MYOM3: variants seen among roughly 807,000 people sequenced by gnomAD.
The protein encoded by MYOM3 is myomesin-3.
Under a neutral mutation model 191.7 loss-of-function variants are expected in MYOM3, and 155 were observed. The ratio of observed to expected loss-of-function variants is 0.81; its 90% confidence interval spans 0.71 to 0.92. MYOM3 has a LOEUF of 0.92. Ranked by LOEUF, MYOM3 falls within the 40% of genes least tolerant of loss-of-function variation. The probability of loss-of-function intolerance (pLI) is 0.00; values close to 1 mark genes in which losing one functional copy is unlikely to be tolerated. For synonymous variants in MYOM3, 757 were observed against 762.9 expected (o/e 0.99, Z 0.13); for missense variants, 1,889 against 1,890.6 (o/e 1.00, Z 0.02).
At position 24,090,973 on chromosome 1, in the gene MYOM3, C is replaced by T. The variant is rs754378595; in HGVS notation, c.1256G>A (p.Trp419Ter). Residue 419 changes from tryptophan to a stop codon, truncating the protein, a stop_gained, in exon 12 of 37, where the codon TGG becomes TAG. Coordinates refer to ENST00000374434, the MANE Select transcript of MYOM3 (RefSeq NM_152372.4). LOFTEE classifies it high-confidence loss of function. ...TCCGGGGGCCTCATGGCAGGCGATCCATTCCCCAGACTCGCCCTGGCACCT... is the reference window on the plus strand; with the variant it reads ...TCCGGGGGCCTCATGGCAGGCGATCTATTCCCCAGACTCGCCCTGGCACCT... ...IERCQGESGE[W>*]IACHEAPGGT... 1.1e-5 allele frequency: 17 copies of T among 1,613,898 alleles called. No homozygotes were observed. Among genetic ancestry groups the T allele is most frequent in the Non-Finnish European group, 1.4e-5 (17 of 1,180,002 alleles).
At chr1:24,067,727 G>C (rs1403717584) in intron 27 of MYOM3, among the ~76,000 whole-genome samples, 3 of 152,130 alleles carry the variant, frequency 2.0e-5, no homozygotes, top group African/African-American at 7.2e-5. Context: ...CTCCCAAAGT[G>C]CTAGGATTAC....
chr1:24,093,225 C>A, intron 9 of MYOM3, 117 bp from the exon 10 acceptor site: 1 of 690,860 alleles, frequency 1.4e-6, no homozygotes, highest in Admixed American at 2.6e-5. Flanking sequence ...GCTGGTGAGG[C>A]TCAGCTCAGG....
chr1:24,088,531 A>G (rs1385978967), intron 14 of MYOM3, among the ~76,000 whole-genome samples: 1 of 152,166 alleles, frequency 6.6e-6, no homozygotes, highest in Non-Finnish European at 1.5e-5. Context: ...TGACGCCAAC[A>G]TCTTCACCAT....
In MYOM3 at chr1:24,087,379, G is replaced by A. The variant is rs187658945; in HGVS notation, c.1615-552C>T. ...CATCAGGGGGATCCTTTTATAGCAC[G>A]TGTCAGACCAGGTCCCTGTCTGCCC... is the stretch of plus-strand genomic sequence containing the variant. On this transcript the variant is annotated intron_variant, in intron 14 of 36. Transcript: ENST00000374434. This position sits in a 1 kb window ranked among gnomAD's most constrained non-coding sequence, Gnocchi z 4.5. Among the ~76,000 whole-genome samples, 3 of 151,874 alleles carry A rather than the reference G, an allele frequency of 2.0e-5. No individual in the cohort carries two copies. Among genetic ancestry groups the A allele is most frequent in the South Asian group, 2.1e-4 (1 of 4,796 alleles).
At chr1:24,082,863 TC>T in intron 16 of MYOM3, 149 bp from the exon 17 acceptor site, 3 of 943,062 alleles carry the variant, frequency 3.2e-6, no homozygotes, top group Non-Finnish European at 4.5e-6. Flanking sequence ...TTGCCCTTGA[TC>T]CCATGGCAAT....
At chr1:24,097,149 A>T (rs1245394205) in intron 7 of MYOM3, among the ~76,000 whole-genome samples, 1 of 152,068 alleles carries the variant, frequency 6.6e-6, no homozygotes, top group Non-Finnish European at 1.5e-5. Flanking sequence ...GTGCAAAAGG[A>T]CCCACATGGG....
At position 24,097,959 on chromosome 1, in the gene MYOM3, C is replaced by A. The variant is rs267598456; in HGVS notation, c.709G>T (p.Gly237Cys). Residue 237 changes from glycine to cysteine, a missense_variant, in exon 7 of 37, where the codon GGC becomes TGC. By Grantham distance (159) the Gly-to-Cys change is radical (BLOSUM62 -3). Coordinates refer to ENST00000374434, the MANE Select transcript of MYOM3 (RefSeq NM_152372.4). ...ACTTTGGCGAAGGAGGAGGCCTGGC[C>A]GTGGGCGTTCTTCACTCGCACAGTG... ...TYTVRVKNAH[G>C]QASSFAKVLV... 3 of 1,613,878 alleles carry A rather than the reference C, an allele frequency of 1.9e-6. No homozygotes were observed. In the African/African-American group the frequency reaches 4.0e-5, roughly 22 times the overall value.
At chr1:24,059,213 A>C (rs1214878126) in intron 35 of MYOM3, among the ~76,000 whole-genome samples, 1 of 152,090 alleles carries the variant, frequency 6.6e-6, no homozygotes, top group East Asian at 1.9e-4. Flanking sequence ...AGCTCACTGC[A>C]ACTTCTGCCT....
At chr1:24,084,162 A>T in intron 16 of MYOM3, 1 of 324,730 alleles carries the variant, frequency 3.1e-6, no homozygotes, top group East Asian at 7.4e-5. Context: ...ATGGGGGCGG[A>T]TGTCCGCTTT....
intron 33 of MYOM3, among the ~76,000 whole-genome samples, chr1:24,061,635 A>C (rs964426292): frequency 2.6e-5 from 4 of 152,090 alleles, no homozygotes; most frequent in African/African-American, 4.8e-5. Flanking sequence ...GCTAGAGTAC[A>C]GTGGTGTGAT....
At chr1:24,088,854 GT>G (rs952352938) in intron 14 of MYOM3, among the ~76,000 whole-genome samples, 1 of 152,178 alleles carries the variant, frequency 6.6e-6, no homozygotes, top group Admixed American at 6.5e-5. Context: ...TGTGGGCTGT[GT>G]TTTATTTCAT....
intron 25 of MYOM3, among the ~76,000 whole-genome samples, chr1:24,068,661 G>C (rs931630329): frequency 6.6e-6 from 1 of 152,046 alleles, no homozygotes. Flanking sequence ...AACCCCTGCT[G>C]TGCCATGATT....
chr1:24,090,777 C>A lies in MYOM3; in HGVS notation c.1432+20G>T, dbSNP rs1254394970. On this transcript the variant is annotated intron_variant, in intron 12 of 36. Transcript: ENST00000374434. ...CCCTGACTGATGTTCTAGAAAGTCGCTTAGGACCTCTGTACCCACCTGTCT... is the reference window on the plus strand; with the variant it reads ...CCCTGACTGATGTTCTAGAAAGTCGATTAGGACCTCTGTACCCACCTGTCT... The A allele has an allele frequency of 6.2e-7, 1 of 1,613,126 alleles. No individual in the cohort carries two copies. The highest frequency in any genetic ancestry group is 1.7e-5 in the Admixed American group (1 of 60,012).
intron 9 of MYOM3, among the ~76,000 whole-genome samples, chr1:24,093,954 G>A (rs1221820480): frequency 2.6e-5 from 4 of 152,066 alleles, no homozygotes; most frequent in East Asian, 1.9e-4. Context: ...ACTGGGCCAC[G>A]TCTTCCTGCC....
Position 24,084,606 on chromosome 1 carries a change from A to G in MYOM3, c.1832T>C (p.Phe611Ser), listed in dbSNP as rs765295801. The change falls in exon 16 of 37, where the codon TTC (phenylalanine) becomes TCC (serine). Residue 611 changes from phenylalanine to serine, a missense_variant. Transcript: ENST00000374434. ...GGAGACAGAGGTCTGTGTGTCTCTG[A>G]AAGCTTGAACTTGAGCTGGAGGAGG... ...TLPPPAQVQA[F>S]RDTQTSVSLT... 6.8e-6 allele frequency: 11 copies of G among 1,613,600 alleles called. No individual in the cohort carries two copies. Among genetic ancestry groups the G allele is most frequent in the Non-Finnish European group, 8.5e-6 (10 of 1,179,806 alleles).
intron 25 of MYOM3, among the ~76,000 whole-genome samples, chr1:24,070,558 A>G (rs1019612852): frequency 6.6e-6 from 1 of 152,178 alleles, no homozygotes; most frequent in African/African-American, 2.4e-5. Flanking sequence ...ACTGCACTTT[A>G]GCCATGGTGA....
intron 20 of MYOM3, among the ~76,000 whole-genome samples, chr1:24,079,124 C>G (rs2148549859): frequency 6.6e-6 from 1 of 152,160 alleles, no homozygotes; most frequent in East Asian, 1.9e-4. Context: ...TATAAATATC[C>G]TACTCTGTAT....
intron 11 of MYOM3, 96 bp from the exon 12 acceptor site, chr1:24,091,092 T>C: frequency 7.3e-7 from 1 of 1,369,290 alleles, no homozygotes; most frequent in Non-Finnish European, 1.0e-6. Flanking sequence ...TGGGGGAGCC[T>C]GCCCAGCTCA....
chr1:24,064,034 G>T, intron 30 of MYOM3, 38 bp downstream of exon 30: 1 of 1,471,392 alleles, frequency 6.8e-7, no homozygotes, highest in Non-Finnish European at 9.5e-7. Flanking sequence ...GCTCCACTGT[G>T]CTCCCTCCAC....
Sources: allele counts gnomAD v4.1 joint callset (sites outside exome capture counted in the v4.1 genomes callset), GRCh38; gene constraint gnomAD v4.1.1; non-coding constraint Gnocchi (gnomAD v3.1); transcripts MANE v1.5; gene names NCBI Gene and HGNC (gene_info 2026-07-23, HGNC 2026-07-21).